CSTL1: variants seen among roughly 807,000 people sequenced by gnomAD.
The protein encoded by CSTL1 is cystatin like 1.
A neutral mutation model predicts 14.4 loss-of-function variants in CSTL1; 14 were observed. The observed-to-expected ratio is 0.97, with a 90% confidence interval of 0.64 to 1.52. CSTL1 has a LOEUF of 1.52. CSTL1 is among the 40% of genes most tolerant of loss of function. CSTL1 has a pLI of 0.00. For synonymous variants in CSTL1, 72 were observed against 67.5 expected (o/e 1.07, Z -0.33); for missense variants, 170 against 168.7 (o/e 1.01, Z -0.04).
At chr20:23,442,031 T>G (rs1198687473) in intron 2 of CSTL1, among the ~76,000 whole-genome samples, 1 of 152,244 alleles carries the variant, frequency 6.6e-6, no homozygotes, top group Non-Finnish European at 1.5e-5. Flanking sequence ...GCCCATTTGG[T>G]TCTTGGTTCT....
At chr20:23,444,476 T>A (rs1319331187) in intron 3 of CSTL1, among the ~76,000 whole-genome samples, 3 of 152,094 alleles carry the variant, frequency 2.0e-5, no homozygotes, top group African/African-American at 4.8e-5. Context: ...CAGGAGGAGG[T>A]AACGATGCTA....
intron 2 of CSTL1, among the ~76,000 whole-genome samples, chr20:23,443,726 C>T (rs1986894193): frequency 6.6e-6 from 1 of 152,222 alleles, no homozygotes; most frequent in Admixed American, 6.5e-5. Context: ...GCTGCTGCAG[C>T]AAAACCAACC....
chr20:23,449,408 GTA>G (rs1206028649), downstream of CSTL1, among the ~76,000 whole-genome samples: 3 of 152,094 alleles, frequency 2.0e-5, no homozygotes, highest in Non-Finnish European at 4.4e-5. Context: ...GTGTGTGTGT[GTA>G]TGTGTGTGTG....
Position 23,440,479 on chromosome 20 carries a change from A to G in CSTL1, c.212A>G (p.Gln71Arg), listed in dbSNP as rs559332493. Residue 71 changes from glutamine to arginine, a missense_variant, in exon 2 of 4, where the codon CAG becomes CGG. Coordinates refer to ENST00000347397, the MANE Select transcript of CSTL1 (RefSeq NM_138283.1). ...CGAGTCCAGAGGCTAATTCGAAGTCAGATGCAGGTTTGTACCTTGCTCTCC... is the reference window on the plus strand; with the variant it reads ...CGAGTCCAGAGGCTAATTCGAAGTCGGATGCAGGTTTGTACCTTGCTCTCC... ...LYRVQRLIRS[Q>R]MQLTTGVEYI... The G allele has an allele frequency of 5.0e-6, 8 of 1,612,112 alleles. No individual in the cohort carries two copies. Among genetic ancestry groups the G allele is most frequent in the African/African-American group, 4.0e-5 (3 of 75,028 alleles).
chr20:23,440,690 T>C (rs1986809153), intron 2 of CSTL1: 1 of 673,070 alleles, frequency 1.5e-6, no homozygotes, highest in African/African-American at 1.8e-5. Context: ...AATGCTTTCC[T>C]AAGGACTGGC....
chr20:23,459,686 C>A, the CSTL1 span, among the ~76,000 whole-genome samples: 1 of 152,214 alleles, frequency 6.6e-6, no homozygotes, highest in African/African-American at 2.4e-5. Flanking sequence ...TGGCATGGCG[C>A]AGGATTTAGT....
chr20:23,444,112 T>C, intron 3 of CSTL1, 68 bp downstream of exon 3: 3 of 1,441,438 alleles, frequency 2.1e-6, no homozygotes, highest in Non-Finnish European at 2.9e-6. Context: ...AGCTAGAAGT[T>C]GGCAGTTTTG....
chr20:23,460,722 A>G, the CSTL1 span, among the ~76,000 whole-genome samples: 6 of 152,150 alleles, frequency 3.9e-5, no homozygotes, highest in Non-Finnish European at 8.8e-5. Context: ...GGGAATCCTC[A>G]TTTTACTTAA....
At chr20:23,450,516 C>A in the CSTL1 span, 1 of 1,611,520 alleles carries the variant, frequency 6.2e-7, no homozygotes, top group Non-Finnish European at 8.5e-7. Flanking sequence ...CTAGTCACTG[C>A]TGCAGCTTTT....
downstream of CSTL1, among the ~76,000 whole-genome samples, chr20:23,446,103 T>C (rs1297718486): frequency 6.6e-6 from 1 of 151,916 alleles, no homozygotes; most frequent in African/African-American, 2.4e-5. Flanking sequence ...ATAGCAGGGG[T>C]TCAATGTCAA....
At chr20:23,440,544 G>A in intron 2 of CSTL1, 58 bp downstream of exon 2, 1 of 1,333,024 alleles carries the variant, frequency 7.5e-7, no homozygotes, top group Middle Eastern at 1.8e-4. Context: ...GTTCAGACAT[G>A]TGAGGATTCT....
chr20:23,455,820 T>G, the CSTL1 span, among the ~76,000 whole-genome samples: 1 of 152,348 alleles, frequency 6.6e-6, no homozygotes, highest in African/African-American at 2.4e-5. Flanking sequence ...CAGTGGCCCG[T>G]GGGTTCTCTT....
chr20:23,452,764 T>C, the CSTL1 span: 10 of 1,614,106 alleles, frequency 6.2e-6, no homozygotes, highest in Non-Finnish European at 7.6e-6. Context: ...TCAGAGTCAA[T>C]AGAATGGCCA....
the CSTL1 span, among the ~76,000 whole-genome samples, chr20:23,455,036 A>AT: frequency 7.2e-5 from 11 of 152,100 alleles, no homozygotes; most frequent in Non-Finnish European, 5.9e-5. Flanking sequence ...TGCCATTGGG[A>AT]ATGAGGACAT....
intron 2 of CSTL1, among the ~76,000 whole-genome samples, chr20:23,441,110 C>T (rs551789144): frequency 3.9e-5 from 6 of 152,206 alleles, no homozygotes; most frequent in South Asian, 2.1e-4. Flanking sequence ...TTGACCCTGC[C>T]GGAGTGACAG....
At chr20:23,458,571 G>A in the CSTL1 span, 3 of 151,896 alleles carry the variant, frequency 2.0e-5, no homozygotes, top group East Asian at 1.9e-4. Flanking sequence ...CAAATTGAAC[G>A]AATGCAGCTC....
At chr20:23,442,156 G>C (rs1228589677) in intron 2 of CSTL1, 1 of 152,384 alleles carries the variant, frequency 6.6e-6, no homozygotes, top group Non-Finnish European at 1.5e-5. Context: ...TTGATAAGCA[G>C]ACAGAGCAGG....
downstream of CSTL1, among the ~76,000 whole-genome samples, chr20:23,448,577 C>T (rs929589519): frequency 2.6e-5 from 4 of 152,222 alleles, no homozygotes; most frequent in Non-Finnish European, 5.9e-5. Context: ...CTCTCTACTA[C>T]CTTTGTAACT....
chr20:23,444,912 A>T lies in CSTL1; in HGVS notation c.*34A>T, dbSNP rs1170433290. On this transcript the variant is annotated 3_prime_UTR_variant, in exon 4 of 4. Transcript: ENST00000347397. Reference sequence around the variant, plus strand: ...ATGATTGAGTTGTGCACTGGCTGTTATTAAACTGTAAAGGATCATGTCTCC... The same window carrying T: ...ATGATTGAGTTGTGCACTGGCTGTTTTTAAACTGTAAAGGATCATGTCTCC... The T allele has an allele frequency of 4.3e-6, 6 of 1,383,476 alleles. No homozygotes were observed. The highest frequency in any genetic ancestry group is 6.2e-6 in the Non-Finnish European group (6 of 969,902). 85.7% of individuals were successfully genotyped at this position (1,383,476 alleles called of 1,614,324 possible). A position where few individuals can be genotyped will look rare whatever the true frequency, so the allele number is the denominator to read the frequency against.
Sources: gnomAD v4.1 joint callset for allele counts (sites outside exome capture counted in the v4.1 genomes callset) on GRCh38, gnomAD v4.1.1 for gene constraint, MANE v1.5 for transcripts, NCBI Gene and HGNC (gene_info 2026-07-23, HGNC 2026-07-21) for gene names.